PLCE1: variants seen among roughly 807,000 people sequenced by gnomAD.
The protein encoded by PLCE1 is 1-phosphatidylinositol 4,5-bisphosphate phosphodiesterase epsilon-1.
In PLCE1, 119 loss-of-function variants were observed where a neutral mutation model predicts 242.8. That is an observed-to-expected ratio of 0.49 (90% CI 0.42 to 0.57). PLCE1 has a LOEUF of 0.57. Among genes scored for constraint, PLCE1 ranks in the 20% least tolerant of loss-of-function variants. The pLI, the probability that PLCE1 is intolerant of heterozygous loss-of-function variation, is 0.00. For synonymous variants in PLCE1, 945 were observed against 1,017.4 expected, an observed-to-expected ratio of 0.93 and a Z score of 1.35; for missense variants, 2,441 against 2,788.8, an observed-to-expected ratio of 0.88 and a Z score of 2.81.
intron 24 of PLCE1, among the ~76,000 whole-genome samples, chr10:94,301,026 CAG>C (rs1380207043): frequency 5.3e-5 from 8 of 151,730 alleles, no homozygotes; most frequent in Non-Finnish European, 1.2e-4. Context: ...GCCTGGGTGA[CAG>C]AGCGAGACAC....
intron 29 of PLCE1, among the ~76,000 whole-genome samples, chr10:94,321,308 C>T (rs919957041): frequency 1.3e-5 from 2 of 152,202 alleles, no homozygotes; most frequent in African/African-American, 4.8e-5. Flanking sequence ...TGTCTTTCTA[C>T]AAATTTACCT....
At chr10:94,227,042 A>C in intron 4 of PLCE1, 2 of 376,600 alleles carry the variant, frequency 5.3e-6, no homozygotes, top group Non-Finnish European at 5.1e-6. Context: ...ATGCCCAGCT[A>C]ATTTTTGTAT....
rs1394010201 is a variant in PLCE1, at chr10:94,030,829, C to A, written c.-218C>A. 1.8e-6 allele frequency: 1 copy of A among 571,184 alleles called. No individual in the cohort carries two copies. The highest frequency in any genetic ancestry group is 3.0e-5 in the East Asian group (1 of 33,220). The allele number at this position is 571,184 out of a possible 1,614,324, so 35.4% of individuals were successfully genotyped here. On this transcript the variant is annotated 5_prime_UTR_variant, in exon 2 of 33. Transcript: ENST00000371380. ...GAAAATTGATCTACCACCTTAAAAC[C>A]CTGATCTAGAAAAAATATATATTCA...
intron 19 of PLCE1, among the ~76,000 whole-genome samples, chr10:94,277,510 T>C (rs2052002419): frequency 6.6e-6 from 1 of 152,158 alleles, no homozygotes; most frequent in Non-Finnish European, 1.5e-5. Flanking sequence ...TTGGGGGCCT[T>C]GGCACTCCAC....
chr10:94,026,683 C>T (rs542275994), intron 1 of PLCE1, among the ~76,000 whole-genome samples: 1 of 152,126 alleles, frequency 6.6e-6, no homozygotes, highest in Non-Finnish European at 1.5e-5. Context: ...TATATTTCAT[C>T]TCAATATTAT....
intron 1 of PLCE1, among the ~76,000 whole-genome samples, chr10:94,005,944 C>A (rs2061028531): frequency 6.6e-6 from 1 of 152,136 alleles, no homozygotes; most frequent in Non-Finnish European, 1.5e-5. Context: ...AGCCCTCACA[C>A]AATATTGAAC....
chr10:94,308,533 T>C, intron 26 of PLCE1, 48 bp from the exon 27 acceptor site: 1 of 1,303,016 alleles, frequency 7.7e-7, no homozygotes. Flanking sequence ...GCATCTTCTT[T>C]TCAGTAGCCA....
At position 94,031,623 on chromosome 10, in the gene PLCE1, G is replaced by A. The variant is rs1434221808; in HGVS notation, c.577G>A (p.Val193Ile). The A allele has an allele frequency of 2.5e-6, 4 of 1,613,438 alleles. No individual in the cohort carries two copies. In the East Asian group the frequency reaches 8.9e-5, roughly 36 times the overall value. Residue 193 changes from valine to isoleucine, a missense_variant, in exon 2 of 33, where the codon GTT (valine) becomes ATT (isoleucine). This residue lies in a region of PLCE1 where 393 missense variants were observed against 378.5 expected (regional missense o/e 1.04). Transcript: ENST00000371380. Reference sequence around the variant, plus strand: ...GGCAGTATTTCATTTTCATTATGAAGTTGACAGAAGAATGTCAGACACTTT... The same window carrying A: ...GGCAGTATTTCATTTTCATTATGAAATTGACAGAAGAATGTCAGACACTTT... ...RRAVFHFHYE[V>I]DRRMSDTFCT...
intron 1 of PLCE1, among the ~76,000 whole-genome samples, chr10:94,009,505 A>G (rs2061124904): frequency 6.6e-6 from 1 of 152,194 alleles, no homozygotes; most frequent in Admixed American, 6.5e-5. Context: ...AAATACAATC[A>G]TCCCTTCCCA....
At chr10:94,078,461 T>C (rs894865732) in intron 2 of PLCE1, among the ~76,000 whole-genome samples, 1 of 152,070 alleles carries the variant, frequency 6.6e-6, no homozygotes, top group African/African-American at 2.4e-5. Flanking sequence ...TCAGAAAACA[T>C]GAAGCATGGT....
intron 3 of PLCE1, among the ~76,000 whole-genome samples, chr10:94,164,507 G>A (rs2047726015): frequency 6.6e-6 from 1 of 150,710 alleles, no homozygotes; most frequent in African/African-American, 2.4e-5. Flanking sequence ...CTGGACTTCT[G>A]TGCATTGGTT....
intron 2 of PLCE1, among the ~76,000 whole-genome samples, chr10:94,048,113 T>C (rs993125359): frequency 1.3e-5 from 2 of 152,228 alleles, no homozygotes; most frequent in African/African-American, 4.8e-5. Context: ...AGTTCATTTG[T>C]TTTAATTGCT....
In PLCE1 at chr10:94,308,890, G is replaced by A. The variant is rs377494406; in HGVS notation, c.6003+191G>A. 1.2e-4 allele frequency among the ~76,000 whole-genome samples: 19 copies of A among 152,278 alleles called. No individual in the cohort carries two copies. In the South Asian group the frequency reaches 3.3e-3, roughly 27 times the overall value. On this transcript the variant is annotated intron_variant, in intron 27 of 32. Transcript: ENST00000371380. Reference sequence around the variant, plus strand: ...ATACTAACTCAGTCCTCTCAATAACGTCAGGCAGTAGCTATTTAGTATCAT... The same window carrying A: ...ATACTAACTCAGTCCTCTCAATAACATCAGGCAGTAGCTATTTAGTATCAT...
rs562586314 is a variant in PLCE1, at chr10:94,032,048, A to G, written c.1002A>G (p.Arg334=). The G allele has an allele frequency of 1.9e-6, 3 of 1,613,498 alleles. No homozygotes were observed. The highest frequency in any genetic ancestry group is 2.2e-5 in the East Asian group (1 of 44,858). Residue 334 remains arginine, a synonymous_variant, in exon 2 of 33, where the codon AGA becomes AGG. Transcript: ENST00000371380. ...LLVRRFCKND[R]EVKKSVYTGT... ...TCAGGAGATTCTGTAAAAATGACAG[A>G]GAAGTTAAGAAATCTGTGTATACTG...
intron 18 of PLCE1, 63 bp downstream of exon 18, chr10:94,270,665 T>C: frequency 2.1e-6 from 2 of 940,926 alleles, no homozygotes; most frequent in Non-Finnish European, 3.5e-6. Flanking sequence ...GTCATTGGGT[T>C]GTTTTGTTTT....
At position 94,014,107 on chromosome 10, in the gene PLCE1, A is replaced by G. The variant is rs78678083; in HGVS notation, c.-364-16576A>G. 1.4e-3 allele frequency among the ~76,000 whole-genome samples: 213 copies of G among 152,296 alleles called. 3 individuals are homozygous for G. The East Asian group carries it at 0.03, about 21-fold the overall frequency. Reference sequence around the variant, plus strand: ...GCCAGCTCAAAACTGAAGAGGGGCCACACAGGGCCAACTTGGCTTCATCTG... The same window carrying G: ...GCCAGCTCAAAACTGAAGAGGGGCCGCACAGGGCCAACTTGGCTTCATCTG... On this transcript the variant is annotated intron_variant, in intron 1 of 32. Coordinates refer to ENST00000371380, the MANE Select transcript of PLCE1 (RefSeq NM_016341.4).
intron 2 of PLCE1, among the ~76,000 whole-genome samples, chr10:94,125,576 C>A (rs908134383): frequency 6.6e-6 from 1 of 152,018 alleles, no homozygotes; most frequent in African/African-American, 2.4e-5. Context: ...AATAGTAGAA[C>A]CTCTTCATAG....
In PLCE1 at chr10:94,321,922, G is replaced by A. The variant is rs528942664; in HGVS notation, c.6364G>A (p.Val2122Ile). ...ATAGAACCTAGAAGAGAAAAACATT[G>A]TTCAAGATGACAAAGAGGTGATCTT... ...QQENLEEKNI[V>I]QDDKEVILSS... Residue 2122 changes from valine to isoleucine, a missense_variant, in exon 30 of 33, where the codon GTT becomes ATT. Physicochemically the swap from Val to Ile is conservative, Grantham distance 29. Coordinates refer to ENST00000371380, the MANE Select transcript of PLCE1 (RefSeq NM_016341.4). The A allele has an allele frequency of 8.3e-5, 134 of 1,613,594 alleles. 3 individuals are homozygous for A. The South Asian group carries it at 1.4e-3, about 17-fold the overall frequency.
chr10:94,330,637 A>C lies in PLCE1; in HGVS notation c.*2694A>C, dbSNP rs984051530. 1 of 150,770 alleles carries C rather than the reference A, an allele frequency of 6.6e-6. No homozygotes were observed. The highest frequency in any genetic ancestry group is 1.5e-5 in the Non-Finnish European group (1 of 67,842). The allele number at this position is 150,770 out of a possible 1,614,324, so 9.3% of individuals were successfully genotyped here. ...AACTCAAGACGCAGAGGTTGCAGTGAGTGGAGACTGTGCCACTGCACTCCA... is the reference window on the plus strand; with the variant it reads ...AACTCAAGACGCAGAGGTTGCAGTGCGTGGAGACTGTGCCACTGCACTCCA... On this transcript the variant is annotated 3_prime_UTR_variant, in exon 33 of 33. Coordinates refer to ENST00000371380, the MANE Select transcript of PLCE1 (RefSeq NM_016341.4).
Sources: gnomAD v4.1 joint callset for allele counts (sites outside exome capture counted in the v4.1 genomes callset) on GRCh38, gnomAD v4.1.1 for gene constraint, gnomAD v4.1.1 regional missense constraint, MANE v1.5 for transcripts, NCBI Gene and HGNC (gene_info 2026-07-23, HGNC 2026-07-21) for gene names.